The following ACACB variants were observed in gnomAD, a reference collection of about 807,000 sequenced individuals.
The protein encoded by ACACB is acetyl-CoA carboxylase 2.
ACACB carries 209 observed loss-of-function variants against 278.8 expected under a neutral mutation model. The ratio of observed to expected loss-of-function variants is 0.75; its 90% CI spans 0.67 to 0.84. The LOEUF (loss-of-function observed/expected upper bound fraction) is 0.84, where lower values mean the gene tolerates loss of function less well. ACACB is among the 40% of genes least tolerant of loss of function. The pLI is 0.00. For missense variants in ACACB, 2,850 were observed against 3,269.0 expected (o/e 0.87, Z 3.13); for synonymous variants, 1,174 against 1,285.6 (o/e 0.91, Z 1.86).
At chr12:109,252,680 A>G (rs2047127959) in intron 42 of ACACB, 2 of 196,000 alleles carry the variant, frequency 1.0e-5, no homozygotes, top group African/African-American at 4.6e-5. Context: ...AGAAATGCAC[A>G]TCCTCAAGCC....
Position 109,265,481 on chromosome 12 carries a change from C to T in ACACB, c.7206C>T (p.Asn2402=), listed in dbSNP as rs1210895139. The T allele has an allele frequency of 6.2e-7, 1 of 1,613,748 alleles. No individual in the cohort carries two copies. The change falls in exon 52 of 53, where the codon AAC becomes AAT. Residue 2402 remains asparagine, a synonymous_variant. Coordinates refer to ENST00000338432, the MANE Select transcript of ACACB (RefSeq NM_001093.4). ...GDGPRSTIRE[N]ITYLKHDSVL... ...GCCCGCGCTCCACCATCCGTGAGAA[C>T]ATCACGTACCTGAAGCACGACTCTG...
intron 16 of ACACB, 123 bp downstream of exon 16, chr12:109,193,852 C>T (rs2044989418): frequency 6.2e-6 from 5 of 808,006 alleles, no homozygotes; most frequent in Non-Finnish European, 4.0e-6. Context: ...TTGTGTTCCT[C>T]GGGAATCCCC....
intron 9 of ACACB, among the ~76,000 whole-genome samples, chr12:109,176,482 C>CTA (rs2044287571): frequency 6.6e-6 from 1 of 152,066 alleles, no homozygotes; most frequent in Non-Finnish European, 1.5e-5. Context: ...TAGTTCAAGT[C>CTA]TATAAATCAG....
chr12:109,238,407 T>A (rs1050302153), intron 34 of ACACB, among the ~76,000 whole-genome samples: 2 of 140,512 alleles, frequency 1.4e-5, no homozygotes, highest in African/African-American at 2.6e-5. Flanking sequence ...TATATATAAT[T>A]ATATATAATA....
intron 49 of ACACB, 127 bp from the exon 50 acceptor site, chr12:109,264,105 C>A: frequency 8.9e-7 from 1 of 1,123,720 alleles, no homozygotes; most frequent in Non-Finnish European, 1.3e-6. Flanking sequence ...AAAGCTCAGA[C>A]CTCTCACAAG....
chr12:109,222,615 C>A lies in ACACB; in HGVS notation c.3673C>A (p.Arg1225=), dbSNP rs759403747. 6.2e-7 allele frequency: 1 copy of A among 1,613,836 alleles called. No individual in the cohort carries two copies. ...SEHCKVALRA[R]QILIASHLPS... Reference sequence around the variant, plus strand: ...GCACTGCAAAGTGGCCCTCAGAGCCCGGCAGGTAGGGTCTCAGGGTGCGGT... The same window carrying A: ...GCACTGCAAAGTGGCCCTCAGAGCCAGGCAGGTAGGGTCTCAGGGTGCGGT... Residue 1225 remains arginine (R), a synonymous_variant, in exon 25 of 53, where the codon CGG becomes AGG. Coordinates refer to ENST00000338432, the MANE Select transcript of ACACB (RefSeq NM_001093.4).
chr12:109,264,171 C>T lies in ACACB; in HGVS notation c.6788-61C>T. The T allele has an allele frequency of 2.6e-6, 4 of 1,514,984 alleles. No homozygotes were observed. The South Asian group carries it at 3.6e-5, about 14-fold the overall frequency. The allele number at this position is 1,514,984 out of a possible 1,614,324, so 93.8% of individuals were successfully genotyped here. On this transcript the variant is annotated intron_variant, in intron 49 of 52. Transcript: ENST00000338432. ...GCCTTCTTCAAAAAAAAAAAAAAATCTCCACCCCATCACATATGACCAGCT... is the reference window on the plus strand; with the variant it reads ...GCCTTCTTCAAAAAAAAAAAAAAATTTCCACCCCATCACATATGACCAGCT...
the ACACB span, chr12:109,111,399 T>C: frequency 6.6e-6 from 1 of 152,094 alleles, no homozygotes; most frequent in Non-Finnish European, 1.5e-5. Flanking sequence ...CTCCGAGACA[T>C]CTGGAACTCG....
At chr12:109,240,070 CAA>C in intron 35 of ACACB, 85 bp downstream of exon 35, 1 of 1,482,228 alleles carries the variant, frequency 6.7e-7, no homozygotes, top group Non-Finnish European at 9.1e-7. Context: ...TCTTGCCACT[CAA>C]GACCTGGGTT....
At chr12:109,155,805 G>A (rs1259884191) in intron 2 of ACACB, among the ~76,000 whole-genome samples, 1 of 151,986 alleles carries the variant, frequency 6.6e-6, no homozygotes, top group African/African-American at 2.4e-5. Context: ...TTTGTGACAC[G>A]TGAAAATTAC....
In ACACB at chr12:109,237,194, G is replaced by A; in HGVS notation, c.4476G>A (p.Leu1492=). The A allele has an allele frequency of 6.2e-7, 1 of 1,614,108 alleles. No individual in the cohort carries two copies. Among genetic ancestry groups the A allele is most frequent in the South Asian group, 1.1e-5 (1 of 91,072 alleles). ...CAGAAGATCGCATTTACCGTCACTT[G>A]GAACCTGCCCTGGCCTTCCAGCTGG... ...EFAEDRIYRH[L]EPALAFQLEL... The change falls in exon 34 of 53, where the codon TTG becomes TTA. Residue 1492 remains leucine, a synonymous_variant. Transcript: ENST00000338432.
At chr12:109,113,416 G>A (rs1190611655), upstream of ACACB, 1 of 152,244 alleles carries the variant, frequency 6.6e-6, no homozygotes, top group Non-Finnish European at 1.5e-5. Context: ...CCCTTTTCAG[G>A]TGAGTTAGGG....
chr12:109,201,645 G>A lies in ACACB; in HGVS notation c.2857G>A (p.Glu953Lys), dbSNP rs1279471517. Residue 953 changes from glutamate (E) to lysine (K), a missense_variant, in exon 19 of 53, where the codon GAA becomes AAA. By Grantham distance (56) the Glu-to-Lys change is moderately conservative. This residue lies in a region of ACACB where 2,265 missense variants were observed against 2,561.3 expected (regional missense o/e 0.88). Coordinates refer to ENST00000338432, the MANE Select transcript of ACACB (RefSeq NM_001093.4). ...KYIKRPGAVL[E>K]AGCVVARLEL... The stretch of plus-strand genomic sequence containing the variant: ...CATCAAGCGTCCAGGTGCCGTGCTG[G>A]AAGCAGGCTGCGTGGTGGCCAGGCT... 6.2e-7 allele frequency: 1 copy of A among 1,614,184 alleles called. No individual in the cohort carries two copies. Among genetic ancestry groups the A allele is most frequent in the South Asian group, 1.1e-5 (1 of 91,068 alleles).
chr12:109,206,475 T>C (rs1438033397), intron 19 of ACACB, among the ~76,000 whole-genome samples: 1 of 147,090 alleles, frequency 6.8e-6, no homozygotes, highest in African/African-American at 2.6e-5. Flanking sequence ...CAAAACTGTC[T>C]GGGGTGTGAA....
At chr12:109,213,980 C>A (rs751612024) in intron 22 of ACACB, among the ~76,000 whole-genome samples, 1 of 151,918 alleles carries the variant, frequency 6.6e-6, no homozygotes, top group Non-Finnish European at 1.5e-5. Context: ...CAGGGCCAGG[C>A]GCTGTGGCTT....
rs2046829539 is a variant in ACACB, at chr12:109,242,558, C to CCTACATCTAT, written c.5145_5154dup (p.Asp1719LeufsTer4). The CCTACATCTAT allele has an allele frequency of 1.2e-6, 2 of 1,614,046 alleles. No individual in the cohort carries two copies. Among genetic ancestry groups the CCTACATCTAT allele is most frequent in the Non-Finnish European group, 1.7e-6 (2 of 1,180,012 alleles). ...TTCCAGGCCCAGACCCTGGGAACCA[C>CCTACATCTAT]CTACATCTATGACTTCCCGGAAATG... On this transcript the variant is annotated frameshift_variant, in exon 37 of 53. Coordinates refer to ENST00000338432, the MANE Select transcript of ACACB (RefSeq NM_001093.4). LOFTEE classifies it high-confidence loss of function.
At chr12:109,191,523 C>A in intron 13 of ACACB, 90 bp from the exon 14 acceptor site, 1 of 1,545,450 alleles carries the variant, frequency 6.5e-7, no homozygotes, top group Non-Finnish European at 8.8e-7. Flanking sequence ...CACTCCTGTG[C>A]TTTTCCAGTT....
At chr12:109,219,241 G>A (rs181782682) in intron 24 of ACACB, among the ~76,000 whole-genome samples, 1 of 152,306 alleles carries the variant, frequency 6.6e-6, no homozygotes, top group East Asian at 1.9e-4. Flanking sequence ...TACAAAAACA[G>A]TCAGTAGGCA....
intron 2 of ACACB, chr12:109,154,867 G>C (rs2043484519): frequency 6.5e-6 from 1 of 152,782 alleles, no homozygotes; most frequent in South Asian, 2.1e-4. Context: ...CGGGAGCCCG[G>C]TGGGATTGGC....
Sources: allele counts gnomAD v4.1 joint callset (sites outside exome capture counted in the v4.1 genomes callset), GRCh38; gene constraint gnomAD v4.1.1; regional missense constraint gnomAD v4.1.1; transcripts MANE v1.5; gene names NCBI Gene and HGNC (gene_info 2026-07-23, HGNC 2026-07-21).